ZNF540: variants seen among roughly 807,000 people sequenced by gnomAD.
The protein encoded by ZNF540 is zinc finger protein 540.
Under a neutral mutation model 11.8 loss-of-function variants are expected in ZNF540, and 3 were observed. The ratio of observed to expected loss-of-function variants is 0.25; its 90% CI spans 0.12 to 0.65. ZNF540 has a LOEUF of 0.65. Among genes scored for constraint, ZNF540 ranks in the 30% least tolerant of loss-of-function variants. The probability of loss-of-function intolerance (pLI) is 0.83; values close to 1 mark genes in which losing one functional copy is unlikely to be tolerated. For missense variants in ZNF540, 709 were observed against 793.1 expected, an observed-to-expected ratio of 0.89 and a Z score of 1.27; for synonymous variants, 247 against 259.0, an observed-to-expected ratio of 0.95 and a Z score of 0.45.
chr19:37,565,700 C>G, intron 1 of ZNF540: 1 of 1,613,880 alleles, frequency 6.2e-7, no homozygotes, highest in Non-Finnish European at 8.5e-7. Context: ...TGTATGAACT[C>G]TCTGATGTTC....
At chr19:37,578,593 G>A (rs1045652703) in intron 1 of ZNF540, among the ~76,000 whole-genome samples, 2 of 152,182 alleles carry the variant, frequency 1.3e-5, no homozygotes, top group African/African-American at 4.8e-5. Flanking sequence ...AGTGCTGAGG[G>A]GCGGTCAGAA....
chr19:37,575,659 C>T (rs2043217643), intron 1 of ZNF540: 1 of 152,158 alleles, frequency 6.6e-6, no homozygotes, highest in South Asian at 2.1e-4. Flanking sequence ...CCCATTCATT[C>T]CTCTTTAATA....
At chr19:37,604,599 G>A (rs1005818799) in intron 4 of ZNF540, among the ~76,000 whole-genome samples, 8 of 151,812 alleles carry the variant, frequency 5.3e-5, no homozygotes, top group African/African-American at 1.7e-4. Context: ...GAGCCACCGC[G>A]CCTGGCCAGC....
chr19:37,590,379 C>T (rs1439656623), upstream of ZNF540, among the ~76,000 whole-genome samples: 7 of 151,302 alleles, frequency 4.6e-5, no homozygotes, highest in Admixed American at 1.3e-4. Context: ...ATCTCGCCAC[C>T]GCACTCCAGC....
At chr19:37,595,627 G>A (rs2043985065) in intron 1 of ZNF540, among the ~76,000 whole-genome samples, 1 of 152,186 alleles carries the variant, frequency 6.6e-6, no homozygotes, top group African/African-American at 2.4e-5. Context: ...ATATCTCCTG[G>A]CTTCAGTTTT....
chr19:37,556,074 CTGGAGTGTCCAAA>C, intron 1 of ZNF540: 1 of 702,770 alleles, frequency 1.4e-6, no homozygotes, highest in Middle Eastern at 2.3e-4. Flanking sequence ...AGTTTGGCTC[CTGGAGTGTCCAAA>C]TCCTGCTGCA....
upstream of ZNF540, chr19:37,594,055 G>A (rs2043944883): frequency 6.6e-6 from 1 of 152,098 alleles, no homozygotes; most frequent in African/African-American, 2.4e-5. Context: ...AGAGCTCTCG[G>A]AGCAGACGAA....
At chr19:37,591,424 T>C (rs1172506141), upstream of ZNF540, among the ~76,000 whole-genome samples, 1 of 152,190 alleles carries the variant, frequency 6.6e-6, no homozygotes, top group Non-Finnish European at 1.5e-5. Context: ...TCGAAACATA[T>C]GGTATTCAAA....
At chr19:37,599,027 T>C (rs757786133) in intron 2 of ZNF540, among the ~76,000 whole-genome samples, 3 of 152,162 alleles carry the variant, frequency 2.0e-5, no homozygotes, top group African/African-American at 2.4e-5. Flanking sequence ...GTAGTACTTA[T>C]AAGAAAATCA....
chr19:37,580,143 T>C (rs2043399942), intron 1 of ZNF540, among the ~76,000 whole-genome samples: 2 of 152,230 alleles, frequency 1.3e-5, no homozygotes, highest in South Asian at 4.1e-4. Context: ...TTTAACTGAC[T>C]AGCAACCCTA....
At chr19:37,605,138 G>A (rs1010289704) in intron 4 of ZNF540, among the ~76,000 whole-genome samples, 3 of 152,150 alleles carry the variant, frequency 2.0e-5, no homozygotes, top group South Asian at 2.1e-4. Flanking sequence ...AAACACCTGA[G>A]GGTGGGATTC....
intron 1 of ZNF540, among the ~76,000 whole-genome samples, chr19:37,588,130 C>T (rs2043745775): frequency 9.1e-6 from 1 of 109,520 alleles, no homozygotes; most frequent in African/African-American, 3.4e-5. Context: ...AAAAAAAAAT[C>T]CCATGGGTTA....
In ZNF540 at chr19:37,565,840, C is replaced by T. The variant is rs571311737; in HGVS notation, c.-73+14175C>T. 2.3e-4 allele frequency: 364 copies of T among 1,613,820 alleles called. 6 individuals carry two copies. In the South Asian group the frequency reaches 3.1e-3, roughly 14 times the overall value. ...CAAAGGCCTTTCCACATTCCATACACTCATAAGGTTTCTCACCAGTCTGAA... is the reference window on the plus strand; with the variant it reads ...CAAAGGCCTTTCCACATTCCATACATTCATAAGGTTTCTCACCAGTCTGAA... On this transcript the variant is annotated intron_variant, in intron 1 of 4. Coordinates refer to the ZNF540 transcript ENST00000592533.
intron 4 of ZNF540, among the ~76,000 whole-genome samples, chr19:37,603,593 T>C (rs1045390569): frequency 1.3e-5 from 2 of 152,230 alleles, no homozygotes; most frequent in African/African-American, 4.8e-5. Flanking sequence ...GATGTAAATA[T>C]ATTTTGAATA....
rs531051233 is a variant in ZNF540, at chr19:37,578,179, T to C, written c.-72-20197T>C. Among the ~76,000 whole-genome samples, 5 of 152,250 alleles carry C rather than the reference T, an allele frequency of 3.3e-5. No homozygotes were observed. The South Asian group carries it at 8.3e-4, about 25-fold the overall frequency. ...CCCCACTCCCCACGGCCAGAAATAC[T>C]GTGTTCCATGAAACCAGTCCCTGGT... On this transcript the variant is annotated intron_variant, in intron 1 of 4. Coordinates refer to the ZNF540 transcript ENST00000592533.
At chr19:37,597,077 T>C (rs1020111779) in intron 1 of ZNF540, among the ~76,000 whole-genome samples, 9 of 152,190 alleles carry the variant, frequency 5.9e-5, no homozygotes, top group African/African-American at 2.2e-4. Flanking sequence ...TCTGTTTTTC[T>C]GATGTTGAAG....
In ZNF540 at chr19:37,598,490, T is replaced by C. The variant is rs200632186; in HGVS notation, c.9+34T>C. ...CAGTTTCTCTTTCCTTTTTAGATTA[T>C]TTTGTTTTTAAAGATCATGTGAACA... On this transcript the variant is annotated intron_variant, in intron 2 of 4. Transcript: ENST00000316433. 4.3e-4 allele frequency: 688 copies of C among 1,612,926 alleles called. 4 individuals carry two copies. In the South Asian group the frequency reaches 5.6e-3, roughly 13 times the overall value.
At chr19:37,565,693 A>G (rs1302341383) in intron 1 of ZNF540, 3 of 1,613,894 alleles carry the variant, frequency 1.9e-6, no homozygotes, top group Non-Finnish European at 2.5e-6. Flanking sequence ...TCTCTCCTGT[A>G]TGAACTCTCT....
At chr19:37,596,388 G>A (rs1382603022) in intron 1 of ZNF540, among the ~76,000 whole-genome samples, 1 of 152,094 alleles carries the variant, frequency 6.6e-6, no homozygotes, top group Non-Finnish European at 1.5e-5. Flanking sequence ...CTGCAGTCTC[G>A]AACTCCTGGG....
Sources: allele counts gnomAD v4.1 joint callset (sites outside exome capture counted in the v4.1 genomes callset), GRCh38; gene constraint gnomAD v4.1.1; transcripts MANE v1.5; gene names NCBI Gene and HGNC (gene_info 2026-07-23, HGNC 2026-07-21).